The following AOX1 variants were observed in gnomAD, a reference collection of about 807,000 sequenced individuals.
The protein encoded by AOX1 is aldehyde oxidase.
In AOX1, 153 loss-of-function variants were observed where a neutral mutation model predicts 169.5. The observed-to-expected ratio is 0.90, with a 90% confidence interval of 0.79 to 1.03. AOX1 has a LOEUF of 1.03. Ranked by LOEUF, AOX1 falls within the 50% of genes least tolerant of loss-of-function variation. The pLI is 0.00. For synonymous variants in AOX1, 562 were observed against 581.9 expected, an observed-to-expected ratio of 0.97 and a Z score of 0.49; for missense variants, 1,656 against 1,663.9, an observed-to-expected ratio of 1.00 and a Z score of 0.08.
At chr2:200,600,178 C>T (rs1243256333) in intron 5 of AOX1, among the ~76,000 whole-genome samples, 1 of 152,190 alleles carries the variant, frequency 6.6e-6, no homozygotes, top group Non-Finnish European at 1.5e-5. Flanking sequence ...AACCAACCCA[C>T]ACATTGCATT....
intron 26 of AOX1, among the ~76,000 whole-genome samples, chr2:200,653,074 T>C (rs1356817305): frequency 6.6e-6 from 1 of 152,122 alleles, no homozygotes. Context: ...CTGCAGCTGG[T>C]AGAGGTAAGG....
chr2:200,642,591 C>G lies in AOX1; in HGVS notation c.2656-19C>G, dbSNP rs1469408648. ...CAGGTTCAGAAGATCTTAATCACAT[C>G]AACTCTGGATTTCTCCAGGTGATAG... is the stretch of plus-strand genomic sequence containing the variant. On this transcript the variant is annotated intron_variant, in intron 24 of 34. Coordinates refer to ENST00000374700, the MANE Select transcript of AOX1 (RefSeq NM_001159.4). The G allele has an allele frequency of 6.2e-7, 1 of 1,611,494 alleles. No homozygotes were observed. The highest frequency in any genetic ancestry group is 8.5e-7 in the Non-Finnish European group (1 of 1,178,174).
intron 5 of AOX1, among the ~76,000 whole-genome samples, chr2:200,600,313 G>T (rs2034383024): frequency 2.0e-5 from 3 of 152,158 alleles, no homozygotes. Flanking sequence ...CCTACTGGGT[G>T]GTGGGTGCTT....
At chr2:200,631,358 T>C (rs955100694) in intron 20 of AOX1, among the ~76,000 whole-genome samples, 1 of 152,224 alleles carries the variant, frequency 6.6e-6, no homozygotes, top group Non-Finnish European at 1.5e-5. Flanking sequence ...ATGTGCTTTA[T>C]ACTGGAGAGC....
intron 19 of AOX1, among the ~76,000 whole-genome samples, chr2:200,626,064 A>C (rs992453530): frequency 4.6e-5 from 7 of 152,208 alleles, no homozygotes; most frequent in African/African-American, 1.7e-4. Context: ...ACCTATACAG[A>C]GCTCACTGTG....
At chr2:200,623,203 T>G (rs2034924119) in intron 18 of AOX1, among the ~76,000 whole-genome samples, 2 of 152,226 alleles carry the variant, frequency 1.3e-5, no homozygotes, top group South Asian at 4.1e-4. Flanking sequence ...TTTACCTTTC[T>G]CAAGTCTTAA....
intron 9 of AOX1, 119 bp downstream of exon 9, chr2:200,604,959 G>C: frequency 1.1e-6 from 1 of 904,168 alleles, no homozygotes. Flanking sequence ...GTCTGAAATA[G>C]CATTTTTAAT....
intron 29 of AOX1, among the ~76,000 whole-genome samples, 172 bp from the exon 30 acceptor site, chr2:200,661,407 C>A (rs536877643): frequency 6.6e-6 from 1 of 152,304 alleles, no homozygotes; most frequent in South Asian, 2.1e-4. Context: ...CAAACAGCTA[C>A]AAGCCGTGAA....
rs2105780207 is a variant in AOX1, at chr2:200,670,907, T to G, written c.*228T>G. 1.1e-5 allele frequency: 5 copies of G among 459,858 alleles called. No individual in the cohort carries two copies. In the South Asian group the frequency reaches 2.5e-4, roughly 23 times the overall value. The allele number at this position is 459,858 out of a possible 1,614,324, so 28.5% of individuals were successfully genotyped here. A position where few individuals can be genotyped will look rare whatever the true frequency, so the allele number is the denominator to read the frequency against. The stretch of plus-strand genomic sequence containing the variant: ...TCAATGTTATAAACACTAATTGGTT[T>G]CCTCTAGGGTGATATCCGTCATTAC... On this transcript the variant is annotated 3_prime_UTR_variant, in exon 35 of 35. Coordinates refer to ENST00000374700, the MANE Select transcript of AOX1 (RefSeq NM_001159.4).
rs140404515 is a variant in AOX1 at position 200,638,272 on chromosome 2, A to G, written c.2538A>G (p.Gly846=). Reference sequence around the variant, plus strand: ...GAGGAGAAGACATGTTAATAACTGGAGGCCGCCATCCTTACCTTGGAAAGT... The same window carrying G: ...GAGGAGAAGACATGTTAATAACTGGGGGCCGCCATCCTTACCTTGGAAAGT... ...LERGEDMLIT[G]GRHPYLGKYK... Residue 846 remains glycine, a synonymous_variant, in exon 23 of 35, where the codon GGA becomes GGG. Coordinates refer to ENST00000374700, the MANE Select transcript of AOX1 (RefSeq NM_001159.4). 3.7e-6 allele frequency: 6 copies of G among 1,613,586 alleles called. No homozygotes were observed. In the African/African-American group the frequency reaches 8.0e-5, roughly 22 times the overall value.
intron 20 of AOX1, among the ~76,000 whole-genome samples, chr2:200,634,350 C>G (rs952702391): frequency 2.0e-5 from 3 of 151,978 alleles, no homozygotes; most frequent in African/African-American, 7.2e-5. Flanking sequence ...CTCCACCTTT[C>G]AGAGTCTTCT....
intron 7 of AOX1, among the ~76,000 whole-genome samples, chr2:200,603,670 A>T (rs771290716): frequency 2.4e-4 from 36 of 152,220 alleles, no homozygotes; most frequent in Non-Finnish European, 4.1e-4. Flanking sequence ...TGGAGATGTC[A>T]TGAAAATAAA....
chr2:200,670,605 C>T, intron 34 of AOX1, 24 bp from the exon 35 acceptor site: 3 of 1,603,204 alleles, frequency 1.9e-6, no homozygotes, highest in Middle Eastern at 1.7e-4. Flanking sequence ...CAGGTTTGAA[C>T]ATCCAGATTT....
chr2:200,589,440 A>G (rs2034122939), intron 1 of AOX1, among the ~76,000 whole-genome samples: 1 of 152,188 alleles, frequency 6.6e-6, no homozygotes, highest in East Asian at 1.9e-4. Context: ...CCTTAGAACT[A>G]GTCAGGGATG....
At chr2:200,627,546 G>T (rs1574934214) in intron 20 of AOX1, 97 bp downstream of exon 20, 12 of 837,454 alleles carry the variant, frequency 1.4e-5, no homozygotes, top group Non-Finnish European at 2.2e-5. Context: ...GCAGCCTAGG[G>T]GGGTGTTGCT....
chr2:200,641,701 T>A (rs913286281), intron 24 of AOX1, among the ~76,000 whole-genome samples: 9 of 151,962 alleles, frequency 5.9e-5, no homozygotes, highest in African/African-American at 1.7e-4. Context: ...CTAATTTTTT[T>A]TTATTATTAT....
At chr2:200,680,743 G>T (rs2002328), downstream of AOX1, among the ~76,000 whole-genome samples, 14 of 151,736 alleles carry the variant, frequency 9.2e-5, no homozygotes, top group African/African-American at 3.4e-4. Flanking sequence ...ATGGGGTTTC[G>T]CCATGTTAGC....
chr2:200,612,658 T>C lies in AOX1; in HGVS notation c.1313T>C (p.Leu438Pro). 6.2e-7 allele frequency: 1 copy of C among 1,614,100 alleles called. No individual in the cohort carries two copies. The highest frequency in any genetic ancestry group is 8.5e-7 in the Non-Finnish European group (1 of 1,180,000). The change falls in exon 14 of 35, where the codon CTA (leucine) becomes CCA (proline). Residue 438 changes from leucine (L) to proline (P), a missense_variant. Coordinates refer to ENST00000374700, the MANE Select transcript of AOX1 (RefSeq NM_001159.4). ...FRQAQRQENALAIVNSGMRVF... is the reference protein window; with the variant it reads ...FRQAQRQENAPAIVNSGMRVF... ...CAAGCCCAGCGACAGGAGAATGCGC[T>C]AGCGATAGTCAATTCAGGAATGAGA...
intron 28 of AOX1, among the ~76,000 whole-genome samples, chr2:200,659,644 C>T (rs1337568909): frequency 2.0e-5 from 3 of 152,344 alleles, no homozygotes; most frequent in South Asian, 2.1e-4. Context: ...GCCTTTTGCT[C>T]TAGCTTTCTG....
Sources: gnomAD v4.1 joint callset for allele counts (sites outside exome capture counted in the v4.1 genomes callset) on GRCh38, gnomAD v4.1.1 for gene constraint, MANE v1.5 for transcripts, NCBI Gene and HGNC (gene_info 2026-07-23, HGNC 2026-07-21) for gene names.